Variants in SGCZ observed in about 807,000 individuals in gnomAD.
SGCZ encodes zeta-sarcoglycan.
Under a neutral mutation model 41.3 loss-of-function variants are expected in SGCZ, and 40 were observed. That is an observed-to-expected ratio of 0.97 (90% CI 0.75 to 1.26). SGCZ has a LOEUF of 1.26. SGCZ is among the 50% of genes most tolerant of loss of function. SGCZ has a pLI of 0.00. For synonymous variants in SGCZ, 206 were observed against 137.5 expected, an observed-to-expected ratio of 1.50 and a Z score of -3.49; for missense variants, 552 against 369.8, an observed-to-expected ratio of 1.49 and a Z score of -4.04.
intron 3 of SGCZ, among the ~76,000 whole-genome samples, chr8:14,257,237 G>A (rs560768878): frequency 1.2e-3 from 185 of 151,980 alleles, no homozygotes; most frequent in Admixed American, 1.9e-3. Context: ...TGAGATGGGA[G>A]GATCACTTGC....
chr8:14,685,369 G>C (rs1263022009), intron 1 of SGCZ, among the ~76,000 whole-genome samples: 1 of 152,072 alleles, frequency 6.6e-6, no homozygotes, highest in Non-Finnish European at 1.5e-5. Flanking sequence ...AGTCTAGCTT[G>C]AGCTATTAAG....
intron 1 of SGCZ, among the ~76,000 whole-genome samples, chr8:14,816,446 T>C (rs1479532182): frequency 1.3e-5 from 2 of 152,226 alleles, no homozygotes; most frequent in Non-Finnish European, 2.9e-5. Context: ...TATTCACTGA[T>C]TTCTGTTCAG....
chr8:14,453,397 G>A (rs955886890), intron 2 of SGCZ, among the ~76,000 whole-genome samples: 2 of 152,046 alleles, frequency 1.3e-5, no homozygotes, highest in African/African-American at 2.4e-5. Flanking sequence ...TCCCATAAAC[G>A]AGAATTTGAA....
intron 2 of SGCZ, among the ~76,000 whole-genome samples, chr8:14,333,520 GA>G (rs936662818): frequency 2.7e-5 from 4 of 147,408 alleles, no homozygotes; most frequent in South Asian, 2.1e-4. Flanking sequence ...ATGACCTGGT[GA>G]AAAAAAAAAG....
intron 3 of SGCZ, among the ~76,000 whole-genome samples, chr8:14,291,909 G>C (rs13269013): frequency 0.75 from 114,268 of 151,534 alleles, 43,501 homozygotes; most frequent in Non-Finnish European, 0.8. Flanking sequence ...TTCGCATTCT[G>C]AGTTTCTGTC....
chr8:14,924,243 T>C (rs1194166332), intron 1 of SGCZ, among the ~76,000 whole-genome samples: 1 of 152,258 alleles, frequency 6.6e-6, no homozygotes, highest in Admixed American at 6.5e-5. Flanking sequence ...TTTAAGCATT[T>C]AGTAAGCTAG....
chr8:14,105,755 T>G (rs1203336991), intron 6 of SGCZ, among the ~76,000 whole-genome samples: 1 of 152,086 alleles, frequency 6.6e-6, no homozygotes, highest in Non-Finnish European at 1.5e-5. Context: ...ATACACTAGA[T>G]GTAATATCAT....
At position 14,980,076 on chromosome 8, in the gene SGCZ, G is replaced by A. The variant is rs139723402; in HGVS notation, c.39+257509C>T. 3.4e-3 allele frequency among the ~76,000 whole-genome samples: 515 copies of A among 152,264 alleles called. 5 individuals carry two copies. The highest frequency in any genetic ancestry group is 0.012 in the African/African-American group (491 of 41,556). On this transcript the variant is annotated intron_variant, in intron 1 of 7. Transcript: ENST00000382080. The stretch of plus-strand genomic sequence containing the variant: ...CCAAAATTTTGAAAAGTAAAGTGAT[G>A]GAGATCCTATCAGTGCAAAGAGATG...
intron 5 of SGCZ, among the ~76,000 whole-genome samples, chr8:14,130,219 T>C (rs553063345): frequency 6.6e-6 from 1 of 152,126 alleles, no homozygotes; most frequent in Non-Finnish European, 1.5e-5. Flanking sequence ...TCTATTCATG[T>C]ATATAAACAC....
intron 1 of SGCZ, among the ~76,000 whole-genome samples, chr8:14,783,271 T>A (rs1343597169): frequency 1.3e-5 from 2 of 152,212 alleles, no homozygotes; most frequent in South Asian, 2.1e-4. Context: ...CAGTATCTAC[T>A]GAAGATACAA....
At chr8:14,206,260 T>C (rs1805612224) in intron 4 of SGCZ, among the ~76,000 whole-genome samples, 1 of 152,128 alleles carries the variant, frequency 6.6e-6, no homozygotes, top group Non-Finnish European at 1.5e-5. Flanking sequence ...AATTATAGTG[T>C]AAGAAAACTC....
chr8:14,176,674 C>T (rs1178804944), intron 4 of SGCZ, among the ~76,000 whole-genome samples: 1 of 152,156 alleles, frequency 6.6e-6, no homozygotes, highest in Admixed American at 6.5e-5. Context: ...GGCATATGTC[C>T]ATTGCTTGGA....
At chr8:14,701,577 C>T (rs565033627) in intron 1 of SGCZ, among the ~76,000 whole-genome samples, 1 of 151,998 alleles carries the variant, frequency 6.6e-6, no homozygotes, top group African/African-American at 2.4e-5. Context: ...TGCCTGGTAA[C>T]TCTACAGCAT....
intron 4 of SGCZ, among the ~76,000 whole-genome samples, chr8:14,233,751 A>G (rs1322609144): frequency 1.3e-5 from 2 of 151,474 alleles, no homozygotes; most frequent in Non-Finnish European, 3.0e-5. Flanking sequence ...TAACACACCT[A>G]AAGTCAAACA....
intron 1 of SGCZ, among the ~76,000 whole-genome samples, chr8:15,186,410 T>G (rs1241493920): frequency 6.6e-6 from 1 of 151,914 alleles, no homozygotes; most frequent in Admixed American, 6.6e-5. Context: ...AAACCAGACT[T>G]CCACTCATGA....
At chr8:15,144,596 G>A (rs1296697249) in intron 1 of SGCZ, among the ~76,000 whole-genome samples, 2 of 151,974 alleles carry the variant, frequency 1.3e-5, no homozygotes, top group African/African-American at 2.4e-5. Flanking sequence ...TGAGTAGCTT[G>A]GAATACAGGC....
At chr8:14,213,342 G>T (rs969495571) in intron 4 of SGCZ, among the ~76,000 whole-genome samples, 2 of 152,144 alleles carry the variant, frequency 1.3e-5, no homozygotes, top group Non-Finnish European at 2.9e-5. Context: ...ACAACAATTT[G>T]TATGGCAGCC....
At chr8:14,526,032 A>G (rs1311542041) in intron 2 of SGCZ, among the ~76,000 whole-genome samples, 4 of 152,136 alleles carry the variant, frequency 2.6e-5, no homozygotes, top group Non-Finnish European at 5.9e-5. Flanking sequence ...GTTTTCTGTA[A>G]GATATTTTAC....
At chr8:14,446,719 C>T (rs1800442433) in intron 2 of SGCZ, among the ~76,000 whole-genome samples, 1 of 152,096 alleles carries the variant, frequency 6.6e-6, no homozygotes, top group Non-Finnish European at 1.5e-5. Context: ...CTCACCTTTC[C>T]ATTTGCATTG....
Sources: gnomAD v4.1 joint callset for allele counts (sites outside exome capture counted in the v4.1 genomes callset) on GRCh38, gnomAD v4.1.1 for gene constraint, MANE v1.5 for transcripts, NCBI Gene and HGNC (gene_info 2026-07-23, HGNC 2026-07-21) for gene names.